The following GMPR variants were observed in gnomAD, a reference collection of about 807,000 sequenced individuals.
GMPR encodes guanosine monophosphate reductase.
Under a neutral mutation model 38.4 loss-of-function variants are expected in GMPR, and 31 were observed. That is an observed-to-expected ratio of 0.81 (90% CI 0.61 to 1.09). The LOEUF (loss-of-function observed/expected upper bound fraction) is 1.09, where lower values mean the gene tolerates loss of function less well. GMPR is among the 50% of genes least tolerant of loss of function. The probability of loss-of-function intolerance (pLI) is 0.00; values close to 1 mark genes in which losing one functional copy is unlikely to be tolerated. For synonymous variants in GMPR, 162 were observed against 173.3 expected, an observed-to-expected ratio of 0.93 and a Z score of 0.51; for missense variants, 468 against 453.7, an observed-to-expected ratio of 1.03 and a Z score of -0.29.
At chr6:16,281,676 T>C (rs913675576) in intron 6 of GMPR, among the ~76,000 whole-genome samples, 1 of 151,262 alleles carries the variant, frequency 6.6e-6, no homozygotes, top group East Asian at 2.0e-4. Flanking sequence ...AGCCCATTTT[T>C]TTTTTGTATT....
chr6:16,260,646 G>GA (rs1759065712), intron 4 of GMPR, among the ~76,000 whole-genome samples: 1 of 152,146 alleles, frequency 6.6e-6, no homozygotes, highest in African/African-American at 2.4e-5. Context: ...ACGATGGAAA[G>GA]AAAATGAGAG....
At chr6:16,289,660 C>T (rs891570817) in intron 7 of GMPR, 1 of 117,288 alleles carries the variant, frequency 8.5e-6, no homozygotes, top group African/African-American at 4.5e-5. Flanking sequence ...AACACGGGGA[C>T]TTCTTTCCTT....
chr6:16,254,128 A>G (rs1758928785), intron 3 of GMPR, among the ~76,000 whole-genome samples: 1 of 152,098 alleles, frequency 6.6e-6, no homozygotes, highest in Admixed American at 6.5e-5. Context: ...ACAGAGTTTC[A>G]CCATGTTGGC....
rs1758991344 is a variant in GMPR, at chr6:16,256,910, A to G, written c.465+2175A>G. ...TTGAGATTTCCTGGGTGGTAGGAGT[A>G]GCTTTTGTTCTAATATTTAATCTTT... On this transcript the variant is annotated intron_variant, in intron 4 of 8. Coordinates refer to ENST00000259727, the MANE Select transcript of GMPR (RefSeq NM_006877.4). Among the ~76,000 whole-genome samples the G allele has an allele frequency of 2.6e-5, 4 of 152,276 alleles. No homozygotes were observed. The South Asian group carries it at 8.3e-4, about 32-fold the overall frequency.
At chr6:16,282,295 G>A (rs1759588153) in intron 6 of GMPR, among the ~76,000 whole-genome samples, 1 of 152,162 alleles carries the variant, frequency 6.6e-6, no homozygotes, top group South Asian at 2.1e-4. Context: ...GAAGATTAAG[G>A]TGGGACCAGT....
intron 3 of GMPR, among the ~76,000 whole-genome samples, chr6:16,252,300 C>T (rs570056267): frequency 1.3e-5 from 2 of 152,256 alleles, no homozygotes; most frequent in South Asian, 2.1e-4. Flanking sequence ...GCTCTTGTCA[C>T]CCAGACTGGA....
At chr6:16,294,259 C>A (rs1175681272) in intron 8 of GMPR, among the ~76,000 whole-genome samples, 1 of 152,192 alleles carries the variant, frequency 6.6e-6, no homozygotes, top group Admixed American at 6.5e-5. Flanking sequence ...CTTGGACCCA[C>A]ACATGTGCAG....
intron 4 of GMPR, among the ~76,000 whole-genome samples, chr6:16,258,401 A>C (rs1207082522): frequency 6.6e-6 from 1 of 152,152 alleles, no homozygotes; most frequent in Non-Finnish European, 1.5e-5. Context: ...AAAGACCAGG[A>C]AGGAGGGAAG....
chr6:16,269,862 C>T (rs540145967), intron 4 of GMPR, among the ~76,000 whole-genome samples: 123 of 152,294 alleles, frequency 8.1e-4, no homozygotes, highest in African/African-American at 2.7e-3. Flanking sequence ...CTGGGAAGTC[C>T]AGTATCAAGG....
At chr6:16,266,068 A>C (rs769688405) in intron 4 of GMPR, among the ~76,000 whole-genome samples, 17 of 151,846 alleles carry the variant, frequency 1.1e-4, no homozygotes, top group Non-Finnish European at 1.9e-4. Context: ...GGAGGAATGA[A>C]CAACTCCCGA....
chr6:16,266,418 C>T (rs980669938), intron 4 of GMPR, among the ~76,000 whole-genome samples: 5 of 118,988 alleles, frequency 4.2e-5, no homozygotes, highest in African/African-American at 8.3e-5. Context: ...GTAACACTCA[C>T]TGTGAAAAAG....
chr6:16,278,661 C>A, intron 5 of GMPR, 123 bp from the exon 6 acceptor site: 1 of 735,972 alleles, frequency 1.4e-6, no homozygotes. Flanking sequence ...CCCACATCTC[C>A]TCTGCCACAG....
chr6:16,272,330 A>G (rs568519057), intron 4 of GMPR, among the ~76,000 whole-genome samples: 108 of 152,376 alleles, frequency 7.1e-4, no homozygotes, highest in Non-Finnish European at 1.4e-3. Context: ...TACAGATAAT[A>G]CATCTTTGTA....
At chr6:16,283,057 C>A (rs773207311) in intron 6 of GMPR, among the ~76,000 whole-genome samples, 2 of 152,168 alleles carry the variant, frequency 1.3e-5, no homozygotes, top group African/African-American at 2.4e-5. Flanking sequence ...GATCTGCCTG[C>A]CTCAGCCTCC....
Position 16,274,448 on chromosome 6 carries a change from G to T in GMPR, c.499G>T (p.Glu167Ter). Residue 167 changes from glutamate (E) to a stop codon, truncating the protein, a stop_gained, in exon 5 of 9, where the codon GAG (glutamate) becomes TAG (stop). Transcript: ENST00000259727. LOFTEE classifies it high-confidence loss of function. ...GNVVTGEMVE[E>*]LILSGADIIK... Reference sequence around the variant, plus strand: ...CGTGGTGACAGGAGAAATGGTAGAAGAGCTTATTCTTTCCGGAGCAGATAT... The same window carrying T: ...CGTGGTGACAGGAGAAATGGTAGAATAGCTTATTCTTTCCGGAGCAGATAT... 1 of 1,610,318 alleles carries T rather than the reference G, an allele frequency of 6.2e-7. No individual in the cohort carries two copies. Among genetic ancestry groups the T allele is most frequent in the Non-Finnish European group, 8.5e-7 (1 of 1,176,510 alleles).
At chr6:16,238,861 A>G in intron 1 of GMPR, 81 bp downstream of exon 1, 2 of 634,716 alleles carry the variant, frequency 3.2e-6, no homozygotes, top group Admixed American at 3.1e-5. Flanking sequence ...AGGGGGTGGC[A>G]CCGGGTTACC....
At position 16,267,359 on chromosome 6, in the gene GMPR, G is replaced by A. The variant is rs145310957; in HGVS notation, c.466-7056G>A. 1.3e-3 allele frequency among the ~76,000 whole-genome samples: 203 copies of A among 151,046 alleles called. 1 individual carries two copies. Among genetic ancestry groups the A allele is most frequent in the African/African-American group, 4.6e-3 (190 of 41,188 alleles). On this transcript the variant is annotated intron_variant, in intron 4 of 8. Transcript: ENST00000259727. ...TGCACTCCGGCCTGGGTGAGAGGGA[G>A]ACTCCGTCTCAAAAAACAAAGAGCT...
intron 4 of GMPR, among the ~76,000 whole-genome samples, chr6:16,259,547 G>C (rs933003045): frequency 2.0e-5 from 3 of 151,908 alleles, no homozygotes; most frequent in Non-Finnish European, 4.4e-5. Flanking sequence ...GGGCTGCTTC[G>C]AGTGGGATTA....
intron 7 of GMPR, among the ~76,000 whole-genome samples, chr6:16,288,183 G>A (rs1483128806): frequency 1.3e-5 from 2 of 152,248 alleles, no homozygotes; most frequent in Non-Finnish European, 2.9e-5. Context: ...GCCCGTCTCT[G>A]CACTCTGGGA....
Sources: allele counts gnomAD v4.1 joint callset (sites outside exome capture counted in the v4.1 genomes callset), GRCh38; gene constraint gnomAD v4.1.1; transcripts MANE v1.5; gene names NCBI Gene and HGNC (gene_info 2026-07-23, HGNC 2026-07-21).